ZHX2: variants seen among roughly 807,000 people sequenced by gnomAD.
The protein encoded by ZHX2 is zinc fingers and homeoboxes protein 2.
A neutral mutation model predicts 21.9 loss-of-function variants in ZHX2; 6 were observed. The observed-to-expected ratio is 0.27, with a 90% CI of 0.15 to 0.54. The LOEUF is 0.54. ZHX2 is among the 20% of genes least tolerant of loss of function. The pLI is 0.95. For synonymous variants in ZHX2, 434 were observed against 437.1 expected (o/e 0.99, Z 0.09); for missense variants, 908 against 1,090.7 (o/e 0.83, Z 2.36).
rs936502395 is a variant in ZHX2, at chr8:122,782,912, T to G, written c.-283+966T>G. 5.3e-5 allele frequency among the ~76,000 whole-genome samples: 8 copies of G among 152,236 alleles called. No homozygotes were observed. The highest frequency in any genetic ancestry group is 1.0e-4 in the Non-Finnish European group (7 of 68,040). Reference sequence around the variant, plus strand: ...TTCTTTGTGGCTTCCCCAGGACTTGTATCCTCGGCTTTGCAAACTTGCCCT... The same window carrying G: ...TTCTTTGTGGCTTCCCCAGGACTTGGATCCTCGGCTTTGCAAACTTGCCCT... On this transcript the variant is annotated intron_variant, in intron 1 of 3. Coordinates refer to ENST00000314393, the MANE Select transcript of ZHX2 (RefSeq NM_014943.5). This position sits in a 1 kb window ranked among gnomAD's most constrained non-coding sequence, Gnocchi z 5.3.
At chr8:122,950,354 A>T (rs1478670581) in intron 2 of ZHX2, among the ~76,000 whole-genome samples, 1 of 152,196 alleles carries the variant, frequency 6.6e-6, no homozygotes, top group African/African-American at 2.4e-5. Context: ...GTTCTCACTC[A>T]TAAGTGGGAG....
In ZHX2 at chr8:122,857,159, T is replaced by G. The variant is rs114836564; in HGVS notation, c.-282-6318T>G. On this transcript the variant is annotated intron_variant, in intron 1 of 3. Coordinates refer to ENST00000314393, the MANE Select transcript of ZHX2 (RefSeq NM_014943.5). Reference sequence around the variant, plus strand: ...TCCTCCTATGCCTCTCTGTGCAATCTTGCCACATTGCACAGTGCTTGAGTT... The same window carrying G: ...TCCTCCTATGCCTCTCTGTGCAATCGTGCCACATTGCACAGTGCTTGAGTT... Among the ~76,000 whole-genome samples, 428 of 152,290 alleles carry G rather than the reference T, an allele frequency of 2.8e-3. 2 individuals carry two copies. The highest frequency in any genetic ancestry group is 0.01 in the African/African-American group (417 of 41,552).
chr8:122,815,164 A>C (rs1818005516), intron 1 of ZHX2, among the ~76,000 whole-genome samples: 1 of 152,176 alleles, frequency 6.6e-6, no homozygotes, highest in South Asian at 2.1e-4. Flanking sequence ...TTTTTATACA[A>C]ATCTTAATAG....
intron 3 of ZHX2, among the ~76,000 whole-genome samples, chr8:122,966,843 C>A (rs1223559300): frequency 2.0e-5 from 3 of 152,080 alleles, no homozygotes; most frequent in African/African-American, 7.2e-5. Context: ...AGGCTTTGTT[C>A]ATTTTTTTTA....
upstream of ZHX2, chr8:122,781,617 G>A (rs1236862675): frequency 6.6e-6 from 1 of 152,590 alleles, no homozygotes; most frequent in Non-Finnish European, 1.5e-5. The surrounding 1 kb of genome is among the most constrained non-coding windows in gnomAD (Gnocchi z 4.6). Flanking sequence ...CTCGGGTGGT[G>A]GTATCGTATG....
At position 122,973,789 on chromosome 8, in the gene ZHX2, G is replaced by A. The variant is rs1158544475; in HGVS notation, c.*552G>A. The A allele has an allele frequency of 1.3e-5, 2 of 152,620 alleles. No homozygotes were observed. Among genetic ancestry groups the A allele is most frequent in the African/African-American group, 4.8e-5 (2 of 41,440 alleles). 9.5% of individuals were successfully genotyped at this position (152,620 alleles called of 1,614,324 possible). On this transcript the variant is annotated 3_prime_UTR_variant, in exon 4 of 4. Coordinates refer to ENST00000314393, the MANE Select transcript of ZHX2 (RefSeq NM_014943.5). ...AATTTGGGAGATTTCTCGGCAGGAA[G>A]GGCTGAAATCCAGGCCCCTGTCTCA...
chr8:122,956,006 G>A (rs145178549), intron 3 of ZHX2, among the ~76,000 whole-genome samples: 4,797 of 151,936 alleles, frequency 0.032, 112 homozygotes, highest in Admixed American at 0.073. Context: ...CACCCCACCC[G>A]GCTAATTTTC....
chr8:122,813,704 G>A (rs1817975066), intron 1 of ZHX2, among the ~76,000 whole-genome samples: 1 of 152,204 alleles, frequency 6.6e-6, no homozygotes, highest in Non-Finnish European at 1.5e-5. Context: ...TCCCTGTTGA[G>A]CATTTCTAAT....
At position 122,827,133 on chromosome 8, in the gene ZHX2, C is replaced by T. The variant is rs896021893; in HGVS notation, c.-282-36344C>T. ...AATCCAGGCTCAATTGATCCTCCCA[C>T]CTCAGCCACCCAAGTAGCTGTGACT... is the stretch of plus-strand genomic sequence containing the variant. On this transcript the variant is annotated intron_variant, in intron 1 of 3. Coordinates refer to ENST00000314393, the MANE Select transcript of ZHX2 (RefSeq NM_014943.5). 5.9e-5 allele frequency among the ~76,000 whole-genome samples: 9 copies of T among 152,272 alleles called. 1 individual carries two copies. Among genetic ancestry groups the T allele is most frequent in the Admixed American group, 4.6e-4 (7 of 15,300 alleles).
chr8:122,929,878 A>G (rs896563927), intron 2 of ZHX2, among the ~76,000 whole-genome samples: 2 of 152,206 alleles, frequency 1.3e-5, no homozygotes, highest in Admixed American at 6.5e-5. Context: ...GAAATTGACT[A>G]ATGTGTTCTT....
chr8:122,841,617 G>A (rs1191759947), intron 1 of ZHX2, among the ~76,000 whole-genome samples: 1 of 152,206 alleles, frequency 6.6e-6, no homozygotes, highest in Non-Finnish European at 1.5e-5. Context: ...TTAGCAGGCA[G>A]CTGAATGCTT....
At chr8:122,793,855 C>G (rs1359505103) in intron 1 of ZHX2, among the ~76,000 whole-genome samples, 1 of 152,204 alleles carries the variant, frequency 6.6e-6, no homozygotes, top group East Asian at 1.9e-4. Context: ...CCAATGGCAT[C>G]AGACCTCCTA....
intron 2 of ZHX2, among the ~76,000 whole-genome samples, chr8:122,905,314 A>G (rs941792348): frequency 8.5e-5 from 13 of 152,264 alleles, no homozygotes; most frequent in African/African-American, 3.1e-4. Context: ...CTAATGAGAA[A>G]TGCAGTATGC....
chr8:122,954,096 A>T (rs1813232026), intron 3 of ZHX2, 68 bp downstream of exon 3: 1 of 1,398,706 alleles, frequency 7.1e-7, no homozygotes. Context: ...TGCCAGGGTT[A>T]ATATAGATTG....
intron 1 of ZHX2, among the ~76,000 whole-genome samples, chr8:122,841,499 G>C (rs1325482332): frequency 6.6e-6 from 1 of 151,274 alleles, no homozygotes. Context: ...AACAGACCGT[G>C]AACTACACAG....
intron 3 of ZHX2, 112 bp downstream of exon 3, chr8:122,954,140 T>C (rs1192987915): frequency 1.0e-6 from 1 of 969,550 alleles, no homozygotes; most frequent in Admixed American, 3.1e-5. Flanking sequence ...GATGGTGGCG[T>C]CTTTTTCTTG....
intron 1 of ZHX2, among the ~76,000 whole-genome samples, chr8:122,806,769 T>C (rs1817833562): frequency 6.6e-6 from 1 of 152,228 alleles, no homozygotes; most frequent in Non-Finnish European, 1.5e-5. Flanking sequence ...GACATTTACC[T>C]TGTGCCAATT....
rs200614161 is a variant in ZHX2, at chr8:122,952,820, C to A, written c.1310C>A (p.Pro437Gln). 1 of 1,614,094 alleles carries A rather than the reference C, an allele frequency of 6.2e-7. No homozygotes were observed. The highest frequency in any genetic ancestry group is 1.1e-5 in the South Asian group (1 of 91,076). Reference protein sequence around the residue: ...PEPPPKVANPPLTPASDRKKT... With the variant: ...PEPPPKVANPQLTPASDRKKT... ...CCCCCACCCAAGGTGGCCAACCCCC[C>A]GCTCACACCAGCCAGTGACCGCAAG... The change falls in exon 3 of 4, where the codon CCG (proline) becomes CAG (glutamine). Residue 437 changes from proline to glutamine, a missense_variant. Pro to Gln is a moderately conservative substitution (Grantham distance 76, BLOSUM62 -1). This residue lies in a region of ZHX2 where 232 missense variants were observed against 361.8 expected (regional missense o/e 0.64). Transcript: ENST00000314393. This position sits in a 1 kb window ranked among gnomAD's most constrained non-coding sequence, Gnocchi z 6.9.
chr8:122,911,520 A>T (rs1820480637), intron 2 of ZHX2, among the ~76,000 whole-genome samples: 1 of 152,174 alleles, frequency 6.6e-6, no homozygotes, highest in Non-Finnish European at 1.5e-5. Flanking sequence ...ATGGGAAGGG[A>T]AGAGCTGCCA....
Sources: allele counts gnomAD v4.1 joint callset (sites outside exome capture counted in the v4.1 genomes callset), GRCh38; gene constraint gnomAD v4.1.1; regional missense constraint gnomAD v4.1.1; non-coding constraint Gnocchi (gnomAD v3.1); transcripts MANE v1.5; gene names NCBI Gene and HGNC (gene_info 2026-07-23, HGNC 2026-07-21).